KIF26B: variants seen among roughly 807,000 people sequenced by gnomAD.
KIF26B encodes the protein kinesin family member 26B, also known as kinesin-like protein KIF26B.
In KIF26B, 63 loss-of-function variants were observed where a neutral mutation model predicts 151.2. The observed-to-expected ratio is 0.42, with a 90% confidence interval of 0.34 to 0.51. KIF26B has a LOEUF of 0.51. KIF26B is among the 20% of genes least tolerant of loss of function. KIF26B has a pLI of 0.07. For missense variants in KIF26B, 2,813 were observed against 2,913.6 expected (o/e 0.97, Z 0.79); for synonymous variants, 1,357 against 1,262.1 (o/e 1.08, Z -1.59).
At chr1:245,409,828 G>A (rs1238654156) in intron 3 of KIF26B, among the ~76,000 whole-genome samples, 1 of 152,172 alleles carries the variant, frequency 6.6e-6, no homozygotes, top group Non-Finnish European at 1.5e-5. Flanking sequence ...ACTAGGCCAG[G>A]TCTGGGGCAA....
intron 1 of KIF26B, 26 bp from the exon 2 acceptor site, chr1:245,156,256 C>T: frequency 6.5e-7 from 1 of 1,541,892 alleles, no homozygotes; most frequent in Non-Finnish European, 8.7e-7. Flanking sequence ...CTTGCAGCCC[C>T]TGACACCGGC....
chr1:245,688,242 C>T lies in KIF26B; in HGVS notation c.5259C>T (p.Thr1753=), dbSNP rs760686202. 1 of 1,591,706 alleles carries T rather than the reference C, an allele frequency of 6.3e-7. No homozygotes were observed. Among genetic ancestry groups the T allele is most frequent in the South Asian group, 1.1e-5 (1 of 90,536 alleles). The change falls in exon 12 of 15, where the codon ACC becomes ACT. Residue 1753 remains threonine, a synonymous_variant. Transcript: ENST00000407071. The part of the protein sequence containing the change: ...PRARGPSAST[T]KTLSFSTKSL... ...CGCGCGGCCCGTCCGCCTCCACCAC[C>T]AAAACCCTCAGCTTCTCCACCAAGT...
At chr1:245,607,587 G>T (rs768816929) in intron 6 of KIF26B, 64 bp from the exon 7 acceptor site, 2 of 1,352,098 alleles carry the variant, frequency 1.5e-6, no homozygotes, top group South Asian at 2.7e-5. Context: ...GCTCACTTTC[G>T]TTGTTAGTGG....
At chr1:245,345,983 A>T (rs1672447396) in intron 2 of KIF26B, among the ~76,000 whole-genome samples, 1 of 147,970 alleles carries the variant, frequency 6.8e-6, no homozygotes, top group Non-Finnish European at 1.5e-5. Context: ...CCCAGGCTGA[A>T]GTGCAGTGGC....
intron 2 of KIF26B, among the ~76,000 whole-genome samples, chr1:245,210,455 AAAT>A (rs1334872804): frequency 6.7e-6 from 1 of 149,938 alleles, no homozygotes; most frequent in Admixed American, 6.6e-5. Flanking sequence ...TTCTGGTGGT[AAAT>A]ATAATCTTTT....
Position 245,702,748 on chromosome 1 carries a change from G to C in KIF26B, c.*142G>C, listed in dbSNP as rs746703956. The C allele has an allele frequency of 1.4e-5, 13 of 902,008 alleles. No homozygotes were observed. In the Admixed American group the frequency reaches 1.6e-4, roughly 11 times the overall value. The allele number at this position is 902,008 out of a possible 1,614,324, so 55.9% of individuals were successfully genotyped here. A position where few individuals can be genotyped will look rare whatever the true frequency, so the allele number is the denominator to read the frequency against. On this transcript the variant is annotated 3_prime_UTR_variant, in exon 15 of 15. Transcript: ENST00000407071. This position sits in a 1 kb window ranked among gnomAD's most constrained non-coding sequence, Gnocchi z 4.1. ...GGCAAGTCTGGAGCGGGCGTTGAGC[G>C]GAAGGCGAGTTTTCTTTTGTTTTCT... is the stretch of plus-strand genomic sequence containing the variant.
chr1:245,287,979 TAA>T (rs532751948), intron 2 of KIF26B, among the ~76,000 whole-genome samples: 1 of 146,058 alleles, frequency 6.8e-6, no homozygotes, highest in African/African-American at 2.5e-5. Flanking sequence ...ATGATAGGCT[TAA>T]AAAAAAAAAG....
intron 9 of KIF26B, among the ~76,000 whole-genome samples, chr1:245,642,562 GAAAAAAAAAAAAA>G (rs34401122): frequency 1.4e-5 from 1 of 73,034 alleles, no homozygotes; most frequent in South Asian, 5.2e-4. Context: ...CTCCGTCTCA[GAAAAAAAAAAAAA>G]AAAAAAAAAA....
intron 5 of KIF26B, among the ~76,000 whole-genome samples, chr1:245,566,292 G>T (rs1458881513): frequency 6.6e-6 from 1 of 152,242 alleles, no homozygotes; most frequent in African/African-American, 2.4e-5. Context: ...CCTCTTGGTT[G>T]TGATGCCTCT....
chr1:245,394,352 G>A (rs111673761), intron 3 of KIF26B, among the ~76,000 whole-genome samples: 3,526 of 152,262 alleles, frequency 0.023, 142 homozygotes, highest in African/African-American at 0.081. Flanking sequence ...GCTGCGTGCC[G>A]TGACTAATGC....
intron 9 of KIF26B, among the ~76,000 whole-genome samples, chr1:245,619,514 C>A (rs1327586907): frequency 6.7e-6 from 1 of 149,994 alleles, no homozygotes; most frequent in Non-Finnish European, 1.5e-5. Context: ...AGGAGAATTG[C>A]TTGAACTCAG....
chr1:245,631,936 G>T (rs2043785304), intron 9 of KIF26B, among the ~76,000 whole-genome samples: 1 of 151,522 alleles, frequency 6.6e-6, no homozygotes, highest in African/African-American at 2.4e-5. Flanking sequence ...TTAAAATTTG[G>T]ATCTTTTTTC....
At chr1:245,595,102 A>G (rs2043326253) in intron 5 of KIF26B, among the ~76,000 whole-genome samples, 1 of 152,206 alleles carries the variant, frequency 6.6e-6, no homozygotes, top group Non-Finnish European at 1.5e-5. Context: ...GAATCATGTT[A>G]TCTGCAAACA....
intron 5 of KIF26B, among the ~76,000 whole-genome samples, chr1:245,552,122 G>GGTGTGTGTGTGTGTGTGT (rs55650522): frequency 7.6e-6 from 1 of 131,612 alleles, no homozygotes. Context: ...GAACCAGCAG[G>GGTGTGTGTGTGTGTGTGT]GTGTGTGTGT....
chr1:245,574,306 G>C (rs1037003475), intron 5 of KIF26B, among the ~76,000 whole-genome samples: 4 of 152,094 alleles, frequency 2.6e-5, no homozygotes, highest in Non-Finnish European at 5.9e-5. Context: ...ACCATGCCAG[G>C]CTAATTTTTG....
intron 9 of KIF26B, among the ~76,000 whole-genome samples, chr1:245,629,856 G>A (rs922421536): frequency 6.6e-6 from 1 of 151,764 alleles, no homozygotes; most frequent in South Asian, 2.1e-4. Context: ...TCTGACAAGG[G>A]TCTAATATCC....
chr1:245,378,478 C>G (rs1673327764), intron 3 of KIF26B, among the ~76,000 whole-genome samples: 1 of 152,128 alleles, frequency 6.6e-6, no homozygotes, highest in Admixed American at 6.6e-5. Context: ...AGAAGATTGC[C>G]TAGATGTAGA....
At chr1:245,637,268 T>C (rs2043843396) in intron 9 of KIF26B, among the ~76,000 whole-genome samples, 1 of 152,136 alleles carries the variant, frequency 6.6e-6, no homozygotes, top group Admixed American at 6.5e-5. Flanking sequence ...TGATTAGTGA[T>C]GTTGAACATC....
chr1:245,529,220 G>C (rs1481168529), intron 4 of KIF26B, among the ~76,000 whole-genome samples: 1 of 152,094 alleles, frequency 6.6e-6, no homozygotes. Context: ...TGGGGCAGCG[G>C]GGTACTGAGC....
Sources: gnomAD v4.1 joint callset for allele counts (sites outside exome capture counted in the v4.1 genomes callset) on GRCh38, gnomAD v4.1.1 for gene constraint, Gnocchi (gnomAD v3.1) non-coding constraint, MANE v1.5 for transcripts, NCBI Gene and HGNC (gene_info 2026-07-23, HGNC 2026-07-21) for gene names.